Variants in CTNNA3 observed in about 807,000 individuals in gnomAD.
The protein encoded by CTNNA3 is catenin alpha-3.
Under a neutral mutation model 95.7 loss-of-function variants are expected in CTNNA3, and 76 were observed. That is an observed-to-expected ratio of 0.79 (90% CI 0.66 to 0.96). CTNNA3 has a LOEUF of 0.96. Among genes scored for constraint, CTNNA3 ranks in the 40% least tolerant of loss-of-function variants. CTNNA3 has a pLI of 0.00. For missense variants in CTNNA3, 1,191 were observed against 1,089.8 expected, an observed-to-expected ratio of 1.09 and a Z score of -1.31; for synonymous variants, 431 against 374.4, an observed-to-expected ratio of 1.15 and a Z score of -1.74.
chr10:67,316,805 T>C (rs914727512), intron 5 of CTNNA3, among the ~76,000 whole-genome samples: 4 of 152,210 alleles, frequency 2.6e-5, no homozygotes, highest in African/African-American at 9.6e-5. Context: ...ATTTTCCCCC[T>C]TGAAAATATA....
At chr10:66,878,304 CCCCACTATTTGCAGCCTCAACT>C (rs1268353096) in intron 7 of CTNNA3, among the ~76,000 whole-genome samples, 3 of 152,022 alleles carry the variant, frequency 2.0e-5, no homozygotes, top group Admixed American at 2.0e-4. Context: ...CAGCCTCAAC[CCCCACTATTTGCAGCCTCAACT>C]CCCACTATTG....
intron 11 of CTNNA3, among the ~76,000 whole-genome samples, chr10:66,411,973 T>A (rs2093108973): frequency 6.6e-6 from 1 of 152,080 alleles, no homozygotes; most frequent in Admixed American, 6.6e-5. Context: ...AGATGACCTA[T>A]CCCCATCTCC....
intron 10 of CTNNA3, among the ~76,000 whole-genome samples, chr10:66,612,539 T>C (rs1844363132): frequency 6.6e-6 from 1 of 152,082 alleles, no homozygotes; most frequent in South Asian, 2.1e-4. Flanking sequence ...GTGAAGGCAC[T>C]TTTGGTTATT....
chr10:67,628,302 T>C (rs1839026808), intron 2 of CTNNA3, among the ~76,000 whole-genome samples: 1 of 150,474 alleles, frequency 6.6e-6, no homozygotes. Context: ...GCTATCTTAA[T>C]AGGTCTTTTG....
chr10:67,154,570 G>C (rs544262908), intron 7 of CTNNA3, among the ~76,000 whole-genome samples: 5 of 152,102 alleles, frequency 3.3e-5, no homozygotes, highest in Non-Finnish European at 7.4e-5. Context: ...AGAATAAAAC[G>C]CATGAATTTT....
chr10:66,681,735 C>G (rs1309198556), intron 9 of CTNNA3, among the ~76,000 whole-genome samples: 1 of 152,128 alleles, frequency 6.6e-6, no homozygotes, highest in South Asian at 2.1e-4. Flanking sequence ...GGAAGAGGAA[C>G]CTCAGGGGTT....
chr10:66,499,806 CTTT>C (rs34040723), intron 11 of CTNNA3, among the ~76,000 whole-genome samples: 1 of 140,654 alleles, frequency 7.1e-6, no homozygotes, highest in Admixed American at 7.1e-5. Context: ...GTTGCATTTC[CTTT>C]TTTTTTTTTT....
At chr10:66,850,374 G>A (rs758786528) in intron 7 of CTNNA3, among the ~76,000 whole-genome samples, 4 of 152,122 alleles carry the variant, frequency 2.6e-5, no homozygotes, top group Non-Finnish European at 5.9e-5. Context: ...GGAGAGACAC[G>A]TATAGAATTA....
intron 13 of CTNNA3, among the ~76,000 whole-genome samples, chr10:66,217,277 CGAGAGGCA>C (rs1287858672): frequency 2.7e-5 from 4 of 149,820 alleles, no homozygotes; most frequent in Non-Finnish European, 5.9e-5. Flanking sequence ...TGCTTGAACC[CGAGAGGCA>C]GAGGTTGCAG....
intron 7 of CTNNA3, among the ~76,000 whole-genome samples, chr10:67,043,080 G>GTATTTATAT (rs1854504318): frequency 1.3e-5 from 2 of 151,684 alleles, no homozygotes; most frequent in African/African-American, 4.8e-5. Context: ...TAAATTACCT[G>GTATTTATAT]CAGGTGTGAG....
At chr10:67,600,386 A>G (rs1843050023) in intron 3 of CTNNA3, among the ~76,000 whole-genome samples, 1 of 152,152 alleles carries the variant, frequency 6.6e-6, no homozygotes, top group Admixed American at 6.5e-5. Context: ...ATTTATTTAA[A>G]TTAAGAACTT....
At chr10:67,679,720 A>T (rs1840592587) in intron 1 of CTNNA3, among the ~76,000 whole-genome samples, 1 of 152,200 alleles carries the variant, frequency 6.6e-6, no homozygotes, top group South Asian at 2.1e-4. Context: ...AACATTTTTT[A>T]AATCTTTTGT....
intron 13 of CTNNA3, among the ~76,000 whole-genome samples, chr10:66,193,078 A>C (rs1287846199): frequency 6.6e-6 from 1 of 152,202 alleles, no homozygotes; most frequent in East Asian, 1.9e-4. Flanking sequence ...GTTTATCAGC[A>C]TTCACGAAAG....
intron 6 of CTNNA3, among the ~76,000 whole-genome samples, chr10:67,185,082 G>A (rs1184790701): frequency 6.6e-6 from 1 of 151,926 alleles, no homozygotes; most frequent in African/African-American, 2.4e-5. Context: ...AAGCATGCAG[G>A]AGAATTCTTC....
At chr10:66,689,756 C>G (rs2132531798) in intron 9 of CTNNA3, among the ~76,000 whole-genome samples, 1 of 152,106 alleles carries the variant, frequency 6.6e-6, no homozygotes, top group African/African-American at 2.4e-5. Flanking sequence ...AAGACAGTAA[C>G]TGCTGATATT....
chr10:66,989,962 A>T (rs573695226), intron 7 of CTNNA3, among the ~76,000 whole-genome samples: 2 of 152,326 alleles, frequency 1.3e-5, no homozygotes, highest in South Asian at 4.1e-4. Flanking sequence ...TAAGATAGCC[A>T]CCTCAATATC....
chr10:67,737,354 T>C (rs1841308368), intron 1 of CTNNA3, among the ~76,000 whole-genome samples: 1 of 152,026 alleles, frequency 6.6e-6, no homozygotes, highest in Non-Finnish European at 1.5e-5. Flanking sequence ...AAAGCAGTAC[T>C]AAGGGAGAAG....
intron 11 of CTNNA3, among the ~76,000 whole-genome samples, chr10:66,419,510 T>C (rs1327614550): frequency 6.6e-6 from 1 of 152,110 alleles, no homozygotes; most frequent in African/African-American, 2.4e-5. Context: ...AAGACACTAA[T>C]GCCATTTTTC....
At chr10:66,256,761 C>T (rs527740692) in intron 13 of CTNNA3, among the ~76,000 whole-genome samples, 5 of 151,870 alleles carry the variant, frequency 3.3e-5, no homozygotes, top group African/African-American at 9.7e-5. Context: ...AAAATGCCGT[C>T]GCCAACTAAT....
Sources: gnomAD v4.1 joint callset for allele counts (sites outside exome capture counted in the v4.1 genomes callset) on GRCh38, gnomAD v4.1.1 for gene constraint, MANE v1.5 for transcripts, NCBI Gene and HGNC (gene_info 2026-07-23, HGNC 2026-07-21) for gene names.